The following ENPP2 variants were observed in gnomAD, a reference collection of about 807,000 sequenced individuals.
ENPP2 encodes the protein autotaxin.
Under a neutral mutation model 120.2 loss-of-function variants are expected in ENPP2, and 51 were observed. The observed-to-expected ratio is 0.42, with a 90% confidence interval of 0.34 to 0.54. The LOEUF is 0.54. Among genes scored for constraint, ENPP2 ranks in the 20% least tolerant of loss-of-function variants. The pLI is 0.04. For synonymous variants in ENPP2, 365 were observed against 366.4 expected (o/e 1.00, Z 0.04); for missense variants, 920 against 1,066.5 (o/e 0.86, Z 1.91).
At chr8:119,664,990 T>G (rs1444783549) in intron 1 of ENPP2, among the ~76,000 whole-genome samples, 6 of 152,164 alleles carry the variant, frequency 3.9e-5, no homozygotes, top group Non-Finnish European at 7.3e-5. Context: ...GGCAGCAGGA[T>G]TGGTTTCTTC....
intron 11 of ENPP2, among the ~76,000 whole-genome samples, chr8:119,600,235 G>A (rs1013631844): frequency 2.0e-5 from 3 of 152,034 alleles, no homozygotes; most frequent in Non-Finnish European, 4.4e-5. Flanking sequence ...CAAGGTTATT[G>A]GAGCTGCTTA....
intron 1 of ENPP2, among the ~76,000 whole-genome samples, chr8:119,645,422 G>A (rs533932727): frequency 6.6e-6 from 1 of 152,254 alleles, no homozygotes; most frequent in East Asian, 1.9e-4. Flanking sequence ...AGTTAATAAT[G>A]ACAACTACTG....
At chr8:119,646,001 T>C (rs533127514) in intron 1 of ENPP2, among the ~76,000 whole-genome samples, 3 of 151,650 alleles carry the variant, frequency 2.0e-5, no homozygotes, top group South Asian at 2.1e-4. Flanking sequence ...GGAGTTTCAC[T>C]CTTGTTGCCC....
intron 15 of ENPP2, among the ~76,000 whole-genome samples, chr8:119,584,988 T>A (rs1351638024): frequency 3.3e-5 from 5 of 152,176 alleles, no homozygotes; most frequent in Non-Finnish European, 7.4e-5. Flanking sequence ...AGATGCATTG[T>A]TAACCAACAT....
chr8:119,673,339 G>T (rs999356032), exon 1 of ENPP2: 102 of 1,527,832 alleles, frequency 6.7e-5, no homozygotes, highest in Non-Finnish European at 8.1e-5. Context: ...GCAGCCCCGC[G>T]ACCTGGGAGC....
At chr8:119,593,949 G>A (rs1268177641) in intron 11 of ENPP2, 89 bp from the exon 12 acceptor site, 2 of 802,578 alleles carry the variant, frequency 2.5e-6, no homozygotes, top group Admixed American at 2.0e-5. Flanking sequence ...GAACATTTTG[G>A]AAAGAAAACT....
At position 119,570,745 on chromosome 8, in the gene ENPP2, A is replaced by T. The variant is rs764438025; in HGVS notation, c.1877T>A (p.Phe626Tyr). 4 of 1,592,186 alleles carry T rather than the reference A, an allele frequency of 2.5e-6. No homozygotes were observed. In the South Asian group the frequency reaches 3.4e-5, roughly 14 times the overall value. ...ATATGATGTCCAGAGTGGCATTAGGAATATTTCACTATAACCACTTTCAAA... is the reference window on the plus strand; with the variant it reads ...ATATGATGTCCAGAGTGGCATTAGGTATATTTCACTATAACCACTTTCAAA... ...TDFESGYSEI[F>Y]LMPLWTSYTV... Residue 626 changes from phenylalanine to tyrosine, a missense_variant, in exon 20 of 25, where the codon TTC becomes TAC. Coordinates refer to ENST00000075322, the MANE Select transcript of ENPP2 (RefSeq NM_001040092.3).
intron 19 of ENPP2, chr8:119,571,122 A>G (rs1488015577): frequency 1.8e-5 from 4 of 222,758 alleles, no homozygotes; most frequent in Non-Finnish European, 2.6e-5. Flanking sequence ...TTGTATATAA[A>G]GGAAACATTA....
At chr8:119,568,990 C>T (rs754647995) in intron 21 of ENPP2, among the ~76,000 whole-genome samples, 9 of 151,834 alleles carry the variant, frequency 5.9e-5, no homozygotes, top group Non-Finnish European at 1.2e-4. Context: ...TTCAGATTCT[C>T]ATTTAATAAT....
At chr8:119,668,250 G>T (rs1292719858) in intron 1 of ENPP2, among the ~76,000 whole-genome samples, 2 of 152,004 alleles carry the variant, frequency 1.3e-5, no homozygotes, top group African/African-American at 2.4e-5. Flanking sequence ...CTAGCAGAGT[G>T]GTTGCCACAT....
rs1041955784 is a variant in ENPP2 at position 119,606,825 on chromosome 8, A to G, written c.833+1097T>C. Reference sequence around the variant, plus strand: ...ATAGTCAGATTTTTGTTAGGCATACAGGCAAATACAGAAACAGCTTTAGGT... The same window carrying G: ...ATAGTCAGATTTTTGTTAGGCATACGGGCAAATACAGAAACAGCTTTAGGT... On this transcript the variant is annotated intron_variant, in intron 9 of 24. Transcript: ENST00000075322. Among the ~76,000 whole-genome samples the G allele has an allele frequency of 2.0e-5, 3 of 152,102 alleles. No homozygotes were observed. The East Asian group carries it at 5.8e-4, about 29-fold the overall frequency.
At chr8:119,619,210 A>C (rs1815702860) in intron 5 of ENPP2, 34 bp downstream of exon 5, 6 of 1,472,344 alleles carry the variant, frequency 4.1e-6, no homozygotes, top group Non-Finnish European at 5.7e-6. Flanking sequence ...CAGCTAATAC[A>C]TAAAACTTCA....
Position 119,581,389 on chromosome 8 carries a change from T to G in ENPP2, c.1728+1029A>C, listed in dbSNP as rs1338762194. Among the ~76,000 whole-genome samples, 42 of 151,928 alleles carry G rather than the reference T, an allele frequency of 2.8e-4. 1 individual carries two copies. The highest frequency in any genetic ancestry group is 2.7e-3 in the Admixed American group (41 of 15,256). ...TGCTCTGTGGCCTGGGAGGCTGACC[T>G]CTAGGGATGGCATCAAAGAGCAAAC... On this transcript the variant is annotated intron_variant, in intron 18 of 24. Coordinates refer to ENST00000075322, the MANE Select transcript of ENPP2 (RefSeq NM_001040092.3).
At chr8:119,587,195 T>C in intron 13 of ENPP2, 120 bp from the exon 14 acceptor site, 1 of 811,772 alleles carries the variant, frequency 1.2e-6, no homozygotes, top group Non-Finnish European at 2.0e-6. Context: ...ATCACTTTAG[T>C]GTTTTGTTTG....
At chr8:119,605,638 T>C (rs1304808425) in intron 9 of ENPP2, among the ~76,000 whole-genome samples, 1 of 151,248 alleles carries the variant, frequency 6.6e-6, no homozygotes, top group Non-Finnish European at 1.5e-5. Context: ...TTTTGTATTT[T>C]TTTTTTTTTA....
chr8:119,635,915 C>T (rs1315115920), intron 2 of ENPP2, among the ~76,000 whole-genome samples: 3 of 152,176 alleles, frequency 2.0e-5, no homozygotes, highest in Non-Finnish European at 4.4e-5. Context: ...TCCATGTGTA[C>T]AGAACATTCT....
chr8:119,671,353 T>C (rs1270090655), intron 1 of ENPP2, among the ~76,000 whole-genome samples: 1 of 152,050 alleles, frequency 6.6e-6, no homozygotes, highest in East Asian at 1.9e-4. Flanking sequence ...AGTGGAGGTA[T>C]GGGCTGGGCA....
At chr8:119,669,486 G>A (rs752733190) in intron 1 of ENPP2, among the ~76,000 whole-genome samples, 44 of 152,188 alleles carry the variant, frequency 2.9e-4, no homozygotes, top group Non-Finnish European at 5.9e-4. Flanking sequence ...CAGGTCCTGT[G>A]ACTCCAAGTT....
chr8:119,557,813 T>TTGA (rs1813588192), intron 24 of ENPP2, 122 bp from the exon 25 acceptor site: 7 of 738,858 alleles, frequency 9.5e-6, no homozygotes, highest in South Asian at 8.5e-5. Context: ...CCAACGCATG[T>TTGA]TGATCCTTCC....
Sources: allele counts gnomAD v4.1 joint callset (sites outside exome capture counted in the v4.1 genomes callset), GRCh38; gene constraint gnomAD v4.1.1; transcripts MANE v1.5; gene names NCBI Gene and HGNC (gene_info 2026-07-23, HGNC 2026-07-21).